RGS6: variants seen among roughly 807,000 people sequenced by gnomAD.
RGS6 encodes regulator of G protein signaling 6.
In RGS6, 30 loss-of-function variants were observed where a neutral mutation model predicts 78.5. The observed-to-expected ratio is 0.38, with a 90% CI of 0.29 to 0.52. The LOEUF is 0.52. Among genes scored for constraint, RGS6 ranks in the 20% least tolerant of loss-of-function variants. The probability of loss-of-function intolerance (pLI) is 0.85; values close to 1 mark genes in which losing one functional copy is unlikely to be tolerated. For missense variants in RGS6, 495 were observed against 609.7 expected, an observed-to-expected ratio of 0.81 and a Z score of 1.98; for synonymous variants, 206 against 206.0, an observed-to-expected ratio of 1.00 and a Z score of 0.00.
At chr14:72,475,644 G>A (rs922942177) in intron 10 of RGS6, among the ~76,000 whole-genome samples, 9 of 151,952 alleles carry the variant, frequency 5.9e-5, no homozygotes, top group African/African-American at 1.5e-4. Flanking sequence ...CAGGAGAATC[G>A]CTTGAACCCA....
intron 3 of RGS6, among the ~76,000 whole-genome samples, chr14:72,363,063 T>C (rs896867433): frequency 3.0e-4 from 45 of 152,198 alleles, no homozygotes; most frequent in Non-Finnish European, 8.8e-5. Context: ...AGGAGCATAT[T>C]GGCAGAACAG....
At chr14:71,981,336 C>T (rs1455465088) in intron 2 of RGS6, among the ~76,000 whole-genome samples, 1 of 152,220 alleles carries the variant, frequency 6.6e-6, no homozygotes, top group Non-Finnish European at 1.5e-5. Flanking sequence ...AGGAGAGGCG[C>T]TCTGCTTTTT....
chr14:72,539,672 C>A (rs2097295441), intron 16 of RGS6, among the ~76,000 whole-genome samples: 1 of 152,206 alleles, frequency 6.6e-6, no homozygotes, highest in South Asian at 2.1e-4. Context: ...GGGCTCCTGC[C>A]TGTGGGCACG....
chr14:72,612,559 T>A, the RGS6 span: 1 of 503,920 alleles, frequency 2.0e-6, no homozygotes, highest in Non-Finnish European at 3.9e-6. Flanking sequence ...CTCCTTAGCA[T>A]CTATCACGGC....
At chr14:72,306,387 G>A (rs2067248448) in intron 2 of RGS6, among the ~76,000 whole-genome samples, 1 of 152,176 alleles carries the variant, frequency 6.6e-6, no homozygotes, top group African/African-American at 2.4e-5. Flanking sequence ...CTGGAGCAAA[G>A]AGTAATTTTG....
rs547135033 is a variant in RGS6, at chr14:72,466,633, C to T, written c.459+811C>T. On this transcript the variant is annotated intron_variant, in intron 7 of 17. Transcript: ENST00000553525. ...TATGTTGGGTGAAAGAAACCAATCT[C>T]AGGCCAGCCATTCCATTTATAGGAC... Among the ~76,000 whole-genome samples the T allele has an allele frequency of 2.6e-5, 4 of 152,344 alleles. No individual in the cohort carries two copies. The East Asian group carries it at 5.8e-4, about 22-fold the overall frequency.
chr14:72,478,912 T>G (rs1246246628), intron 12 of RGS6, among the ~76,000 whole-genome samples: 1 of 152,236 alleles, frequency 6.6e-6, no homozygotes, highest in Non-Finnish European at 1.5e-5. Context: ...GGAGACTCAA[T>G]TTTATCAACT....
At chr14:72,231,943 A>G (rs182648119) in intron 2 of RGS6, among the ~76,000 whole-genome samples, 8 of 152,286 alleles carry the variant, frequency 5.3e-5, no homozygotes, top group South Asian at 4.1e-4. Flanking sequence ...AGGTGGCAAG[A>G]CAGTGGAGAG....
At chr14:72,207,864 A>C (rs1339123799) in intron 2 of RGS6, among the ~76,000 whole-genome samples, 2 of 152,216 alleles carry the variant, frequency 1.3e-5, no homozygotes, top group Non-Finnish European at 2.9e-5. Flanking sequence ...ATCATGATTC[A>C]TCATCTATTA....
At chr14:71,883,587 AGAG>A in the RGS6 span, among the ~76,000 whole-genome samples, 1 of 152,134 alleles carries the variant, frequency 6.6e-6, no homozygotes, top group Admixed American at 6.5e-5. Flanking sequence ...TGCATTCCCA[AGAG>A]GTGAGGCATT....
chr14:72,202,701 A>C (rs1364486465), intron 2 of RGS6, among the ~76,000 whole-genome samples: 1 of 151,912 alleles, frequency 6.6e-6, no homozygotes, highest in Admixed American at 6.6e-5. Flanking sequence ...GTTTCTCTAC[A>C]AGGACTGGAG....
At chr14:72,609,683 A>G in the RGS6 span, among the ~76,000 whole-genome samples, 145 of 152,348 alleles carry the variant, frequency 9.5e-4, 1 homozygote, top group African/African-American at 3.4e-3. Context: ...CCGCAACCAC[A>G]TCACAGTGAA....
At chr14:72,022,493 A>T (rs1299277409) in intron 2 of RGS6, 1 of 152,218 alleles carries the variant, frequency 6.6e-6, no homozygotes, top group Non-Finnish European at 1.5e-5. Flanking sequence ...ATCAATGGAG[A>T]TACCTCTTAC....
intron 2 of RGS6, among the ~76,000 whole-genome samples, chr14:72,346,437 C>T (rs548080156): frequency 1.2e-4 from 18 of 152,314 alleles, no homozygotes; most frequent in African/African-American, 4.1e-4. Context: ...ATCTGCCCAA[C>T]ACAGTTTCTG....
rs117533911 is a variant in RGS6, at chr14:71,954,933, T to A, written c.-20-9839T>A. On this transcript the variant is annotated intron_variant, in intron 1 of 17. Coordinates refer to ENST00000553525, the MANE Select transcript of RGS6 (RefSeq NM_001204424.2). ...TGAGTCTGATTCTGATGATTGCTTG[T>A]CTCTTCAGAATGTGTTTTTCTTACC... 4.5e-3 allele frequency among the ~76,000 whole-genome samples: 680 copies of A among 152,342 alleles called. 4 individuals carry two copies. Among genetic ancestry groups the A allele is most frequent in the Non-Finnish European group, 5.5e-3 (371 of 68,028 alleles).
chr14:72,362,821 A>G (rs1280930315), intron 3 of RGS6, among the ~76,000 whole-genome samples: 1 of 152,158 alleles, frequency 6.6e-6, no homozygotes, highest in Non-Finnish European at 1.5e-5. Flanking sequence ...CATCATGTTG[A>G]CATTGGGAGA....
chr14:72,269,567 A>ATTTTTTTTTTTTTTTTT lies in RGS6; in HGVS notation c.85-82517_85-82501dup, dbSNP rs56171281. Among the ~76,000 whole-genome samples, 2 of 120,334 alleles carry ATTTTTTTTTTTTTTTTT rather than the reference A, an allele frequency of 1.7e-5. 1 individual carries two copies. Among genetic ancestry groups the ATTTTTTTTTTTTTTTTT allele is most frequent in the Non-Finnish European group, 3.4e-5 (2 of 59,348 alleles). 78.9% of individuals were successfully genotyped at this position (120,334 alleles called of 152,430 possible). A position where few individuals can be genotyped will look rare whatever the true frequency, so the allele number is the denominator to read the frequency against. The stretch of plus-strand genomic sequence containing the variant: ...GTTTTTACAGTGAAACCTATCTTAA[A>ATTTTTTTTTTTTTTTTT]TTTTTTTTTTTTTTTTTTTTTTTTT... On this transcript the variant is annotated intron_variant, in intron 2 of 17. Coordinates refer to ENST00000553525, the MANE Select transcript of RGS6 (RefSeq NM_001204424.2).
At chr14:72,368,144 G>A (rs1182032884) in intron 3 of RGS6, among the ~76,000 whole-genome samples, 1 of 152,136 alleles carries the variant, frequency 6.6e-6, no homozygotes, top group African/African-American at 2.4e-5. Context: ...CCAAAAGCAT[G>A]GTGCCAGCAT....
chr14:72,027,293 AAG>A, intron 2 of RGS6, among the ~76,000 whole-genome samples: 1 of 152,098 alleles, frequency 6.6e-6, no homozygotes, highest in East Asian at 1.9e-4. Flanking sequence ...TATTGAAAGA[AAG>A]GGGATGGAGG....
Sources: gnomAD v4.1 joint callset for allele counts (sites outside exome capture counted in the v4.1 genomes callset) on GRCh38, gnomAD v4.1.1 for gene constraint, MANE v1.5 for transcripts, NCBI Gene and HGNC (gene_info 2026-07-23, HGNC 2026-07-21) for gene names.